DNAJB2: variants seen among roughly 807,000 people sequenced by gnomAD.
DNAJB2 encodes dnaJ homolog subfamily B member 2.
In DNAJB2, 19 loss-of-function variants were observed where a neutral mutation model predicts 33.3. That is an observed-to-expected ratio of 0.57 (90% CI 0.40 to 0.84). The LOEUF (loss-of-function observed/expected upper bound fraction) is 0.84. Ranked by LOEUF, DNAJB2 falls within the 40% of genes least tolerant of loss-of-function variation. The probability of loss-of-function intolerance (pLI) is 0.00; values close to 1 mark genes in which losing one functional copy is unlikely to be tolerated. For synonymous variants in DNAJB2, 172 were observed against 164.6 expected (o/e 1.04, Z -0.34); for missense variants, 368 against 430.9 (o/e 0.85, Z 1.29).
At chr2:219,280,529 G>A in intron 2 of DNAJB2, 49 bp from the exon 3 acceptor site, 1 of 1,475,212 alleles carries the variant, frequency 6.8e-7, no homozygotes. Flanking sequence ...TGGGTGGGAA[G>A]TGCCTGCATT....
At chr2:219,282,514 C>T in intron 5 of DNAJB2, 1 of 377,688 alleles carries the variant, frequency 2.6e-6, no homozygotes, top group Non-Finnish European at 4.8e-6. Context: ...AGCCCAGAGT[C>T]ACATAACACA....
At position 219,286,487 on chromosome 2, in the gene DNAJB2, G is replaced by C. The variant is rs560257457; in HGVS notation, c.*1500G>C. ...CAGAGCCGCGCAGCACCTGGGAGCGGTACCTTTCCCTTGGGCAGCCTGGGG... is the reference window on the plus strand; with the variant it reads ...CAGAGCCGCGCAGCACCTGGGAGCGCTACCTTTCCCTTGGGCAGCCTGGGG... On this transcript the variant is annotated 3_prime_UTR_variant, in exon 9 of 9. Coordinates refer to ENST00000336576, the MANE Select transcript of DNAJB2 (RefSeq NM_006736.6). 6.4e-6 allele frequency: 1 copy of C among 155,122 alleles called. No homozygotes were observed. The highest frequency in any genetic ancestry group is 1.4e-5 in the Non-Finnish European group (1 of 69,742). The allele number at this position is 155,122 out of a possible 1,614,324, so 9.6% of individuals were successfully genotyped here. A position where few individuals can be genotyped will look rare whatever the true frequency, so the allele number is the denominator to read the frequency against.
chr2:219,280,021 T>G, intron 2 of DNAJB2, 123 bp downstream of exon 2: 1 of 1,063,618 alleles, frequency 9.4e-7, no homozygotes, highest in South Asian at 1.4e-5. Flanking sequence ...CTGGGGTGCT[T>G]CTTCCGAGTG....
chr2:219,280,712 C>T, intron 3 of DNAJB2, 25 bp downstream of exon 3: 2 of 1,520,452 alleles, frequency 1.3e-6, no homozygotes, highest in Middle Eastern at 3.4e-4. Flanking sequence ...CAGGCAGGAC[C>T]CAGCACATCA....
chr2:219,283,313 G>GC (rs1293376341), intron 7 of DNAJB2, 78 bp downstream of exon 7: 3 of 1,608,470 alleles, frequency 1.9e-6, no homozygotes, highest in Non-Finnish European at 2.6e-6. Context: ...TTGGCTCCTT[G>GC]AGGGCAGGGC....
At chr2:219,282,282 T>C in intron 5 of DNAJB2, 1 of 615,008 alleles carries the variant, frequency 1.6e-6, no homozygotes, top group East Asian at 2.8e-5. Context: ...CTTATTAAAT[T>C]ACAACAATAA....
Position 219,279,678 on chromosome 2 carries a change from G to A in DNAJB2, c.-36-120G>A. Reference sequence around the variant, plus strand: ...GAGGGAGCCTAGTCACCGGCCGCAAGCAGAGCCCGGTGTGCTCCGCTTCCA... The same window carrying A: ...GAGGGAGCCTAGTCACCGGCCGCAAACAGAGCCCGGTGTGCTCCGCTTCCA... On this transcript the variant is annotated intron_variant, in intron 1 of 8. Coordinates refer to ENST00000336576, the MANE Select transcript of DNAJB2 (RefSeq NM_006736.6). This position sits in a 1 kb window ranked among gnomAD's most constrained non-coding sequence, Gnocchi z 4.9. The A allele has an allele frequency of 1.4e-6, 1 of 731,492 alleles. No individual in the cohort carries two copies. Among genetic ancestry groups the A allele is most frequent in the Non-Finnish European group, 2.2e-6 (1 of 452,198 alleles). The allele number at this position is 731,492 out of a possible 1,614,324, so 45.3% of individuals were successfully genotyped here.
At chr2:219,280,124 A>G in intron 2 of DNAJB2, 1 of 563,720 alleles carries the variant, frequency 1.8e-6, no homozygotes. Context: ...GCACTGTGTT[A>G]TGGGTTGTTC....
At chr2:219,282,510 G>A (rs1951914870) in intron 5 of DNAJB2, 1 of 378,656 alleles carries the variant, frequency 2.6e-6, no homozygotes, top group Admixed American at 4.4e-5. Flanking sequence ...TAATAGCCCA[G>A]AGTCACATAA....
At position 219,280,943 on chromosome 2, in the gene DNAJB2, C is replaced by A. The variant is rs576199671; in HGVS notation, c.175+256C>A. ...TGAGCTGAGCCTCCTGCGTGCCAGGCATTGGTGGGTGTCATCTCCATGAGT... is the reference window on the plus strand; with the variant it reads ...TGAGCTGAGCCTCCTGCGTGCCAGGAATTGGTGGGTGTCATCTCCATGAGT... On this transcript the variant is annotated intron_variant, in intron 3 of 8. Transcript: ENST00000336576. The A allele has an allele frequency of 1.3e-4, 62 of 490,746 alleles. No individual in the cohort carries two copies. The East Asian group carries it at 2.0e-3, about 15-fold the overall frequency. 30.4% of individuals were successfully genotyped at this position (490,746 alleles called of 1,614,324 possible). A position where few individuals can be genotyped will look rare whatever the true frequency, so the allele number is the denominator to read the frequency against.
intron 5 of DNAJB2, 182 bp downstream of exon 5, chr2:219,282,243 A>G (rs1440522880): frequency 2.5e-6 from 2 of 796,936 alleles, no homozygotes; most frequent in Non-Finnish European, 4.0e-6. Flanking sequence ...GAACCCCCGT[A>G]ATCCAACAGT....
rs1559288255 is a variant in DNAJB2 at position 219,286,305 on chromosome 2, A to AGT, written c.*1319_*1320dup. 1 of 377,182 alleles carries AGT rather than the reference A, an allele frequency of 2.7e-6. No homozygotes were observed. The highest frequency in any genetic ancestry group is 4.9e-6 in the Non-Finnish European group (1 of 204,922). 23.4% of individuals were successfully genotyped at this position (377,182 alleles called of 1,614,324 possible). A position where few individuals can be genotyped will look rare whatever the true frequency, so the allele number is the denominator to read the frequency against. The stretch of plus-strand genomic sequence containing the variant: ...CGGAGCTGTGCATCTTGGGACATGT[A>AGT]GTAGCCCAGGTCGGCTTGTCACTCG... On this transcript the variant is annotated 3_prime_UTR_variant, in exon 9 of 9. Coordinates refer to ENST00000336576, the MANE Select transcript of DNAJB2 (RefSeq NM_006736.6).
chr2:219,282,555 C>G, intron 5 of DNAJB2: 1 of 398,270 alleles, frequency 2.5e-6, no homozygotes, highest in Non-Finnish European at 4.5e-6. Context: ...CTGTGTCTGC[C>G]TGTCATCGCG....
In DNAJB2 at chr2:219,284,972, C is replaced by T. The variant is rs1574902438; in HGVS notation, c.960C>T (p.Arg320=). 2.6e-6 allele frequency: 4 copies of T among 1,515,854 alleles called. No homozygotes were observed. The highest frequency in any genetic ancestry group is 1.4e-5 in the African/African-American group (1 of 72,606). The allele number at this position is 1,515,854 out of a possible 1,614,324, so 93.9% of individuals were successfully genotyped here. A position where few individuals can be genotyped will look rare whatever the true frequency, so the allele number is the denominator to read the frequency against. The part of the protein sequence containing the change: ...RSPSPEEKAS[R]CLIL ...CATCCCCAGAGGAGAAGGCCTCTCG[C>T]TGCCTCATCCTCTGAACACCGGGCC... Residue 320 remains arginine (R), a synonymous_variant, in exon 9 of 9, where the codon CGC becomes CGT. Transcript: ENST00000336576.
At chr2:219,283,597 G>C in intron 8 of DNAJB2, 108 bp downstream of exon 8, 1 of 1,180,040 alleles carries the variant, frequency 8.5e-7, no homozygotes, top group Non-Finnish European at 1.2e-6. Context: ...GCTTGGGAGG[G>C]AGTGGCAACA....
chr2:219,282,109 G>A (rs1162804835), intron 5 of DNAJB2, 48 bp downstream of exon 5: 2 of 1,613,760 alleles, frequency 1.2e-6, no homozygotes, highest in East Asian at 4.5e-5. Context: ...CCCCCTCCAG[G>A]CCTGTCCTTC....
chr2:219,285,192 GCC>G lies in DNAJB2; in HGVS notation c.*207_*208del. The G allele has an allele frequency of 3.2e-6, 4 of 1,256,976 alleles. No homozygotes were observed. Among genetic ancestry groups the G allele is most frequent in the Non-Finnish European group, 4.0e-6 (4 of 1,000,740 alleles). 77.9% of individuals were successfully genotyped at this position (1,256,976 alleles called of 1,614,324 possible). A position where few individuals can be genotyped will look rare whatever the true frequency, so the allele number is the denominator to read the frequency against. ...CCAGGGCTGATAGGTCCCTGGTGAA[GCC>G]CAGGGTGGGGGGTGTCAGGGCAGTG... On this transcript the variant is annotated 3_prime_UTR_variant, in exon 9 of 9. Coordinates refer to ENST00000336576, the MANE Select transcript of DNAJB2 (RefSeq NM_006736.6).
At chr2:219,284,023 A>C (rs1370159700) in intron 8 of DNAJB2, among the ~76,000 whole-genome samples, 1 of 152,202 alleles carries the variant, frequency 6.6e-6, no homozygotes, top group Admixed American at 6.5e-5. Context: ...ACTGCGTACC[A>C]AGCCCTTTAC....
In DNAJB2 at chr2:219,286,055, A is replaced by C. The variant is rs908786588; in HGVS notation, c.*1068A>C. 3.8e-5 allele frequency: 56 copies of C among 1,455,444 alleles called. No homozygotes were observed. Among genetic ancestry groups the C allele is most frequent in the Admixed American group, 1.9e-5 (1 of 53,978 alleles). The allele number at this position is 1,455,444 out of a possible 1,614,324, so 90.2% of individuals were successfully genotyped here. A position where few individuals can be genotyped will look rare whatever the true frequency, so the allele number is the denominator to read the frequency against. ...TTCCAACAGGACAGCGCCTTCCCCC[A>C]TGCGCTGGGAGGGGACCCTCCATTT... On this transcript the variant is annotated 3_prime_UTR_variant, in exon 9 of 9. Coordinates refer to ENST00000336576, the MANE Select transcript of DNAJB2 (RefSeq NM_006736.6).
Sources: gnomAD v4.1 joint callset for allele counts (sites outside exome capture counted in the v4.1 genomes callset) on GRCh38, gnomAD v4.1.1 for gene constraint, Gnocchi (gnomAD v3.1) non-coding constraint, MANE v1.5 for transcripts, NCBI Gene and HGNC (gene_info 2026-07-23, HGNC 2026-07-21) for gene names.